FANCL: variants seen among roughly 807,000 people sequenced by gnomAD.
FANCL encodes E3 ubiquitin-protein ligase FANCL.
A neutral mutation model predicts 59.4 loss-of-function variants in FANCL; 69 were observed. That is an observed-to-expected ratio of 1.16 (90% CI 0.96 to 1.42). FANCL has a LOEUF of 1.42. Ranked by LOEUF, FANCL falls within the 40% of genes most tolerant of loss-of-function variation. The probability of loss-of-function intolerance (pLI) is 0.00; values close to 1 mark genes in which losing one functional copy is unlikely to be tolerated. For missense variants in FANCL, 519 were observed against 447.2 expected, an observed-to-expected ratio of 1.16 and a Z score of -1.45; for synonymous variants, 180 against 147.1, an observed-to-expected ratio of 1.22 and a Z score of -1.62.
intron 1 of FANCL, among the ~76,000 whole-genome samples, chr2:58,236,363 T>A (rs1266087147): frequency 6.6e-6 from 1 of 151,406 alleles, no homozygotes; most frequent in Non-Finnish European, 1.5e-5. Flanking sequence ...AATTATATAG[T>A]TGATAAACCA....
chr2:58,168,076 A>T (rs1686138235), intron 7 of FANCL, among the ~76,000 whole-genome samples: 1 of 152,222 alleles, frequency 6.6e-6, no homozygotes, highest in Non-Finnish European at 1.5e-5. Context: ...TTAAAATCAA[A>T]GTTCAGTAAG....
At chr2:58,209,551 AAC>A (rs2105188987) in intron 5 of FANCL, among the ~76,000 whole-genome samples, 1 of 152,302 alleles carries the variant, frequency 6.6e-6, no homozygotes, top group Non-Finnish European at 1.5e-5. Context: ...ATTAAGTCAT[AAC>A]ACTAATTAAG....
chr2:58,162,196 T>C (rs547592477), intron 11 of FANCL, among the ~76,000 whole-genome samples: 1 of 152,098 alleles, frequency 6.6e-6, no homozygotes, highest in African/African-American at 2.4e-5. Flanking sequence ...TTTAGTAGTC[T>C]ACAACCTTAG....
intron 2 of FANCL, 97 bp from the exon 3 acceptor site, chr2:58,229,971 A>G: frequency 1.2e-6 from 1 of 855,478 alleles, no homozygotes; most frequent in Non-Finnish European, 2.0e-6. Flanking sequence ...CAAAAGAATG[A>G]CAAACATAAT....
intron 6 of FANCL, among the ~76,000 whole-genome samples, chr2:58,201,827 G>C (rs1187243233): frequency 6.6e-6 from 1 of 151,780 alleles, no homozygotes; most frequent in African/African-American, 2.4e-5. Flanking sequence ...GATCGTGAGG[G>C]GAAGTGGTAG....
At chr2:58,219,135 C>A (rs1573763881) in intron 5 of FANCL, among the ~76,000 whole-genome samples, 3 of 18,070 alleles carry the variant, frequency 1.7e-4, no homozygotes, top group African/African-American at 4.0e-4. Flanking sequence ...AAAGTAAATA[C>A]ATGCTAAAAA....
chr2:58,219,234 A>T (rs1487470554), intron 5 of FANCL, among the ~76,000 whole-genome samples: 2 of 142,720 alleles, frequency 1.4e-5, no homozygotes, highest in Admixed American at 1.4e-4. Context: ...TCAAAAGGAC[A>T]CAGGAGCCAA....
intron 1 of FANCL, among the ~76,000 whole-genome samples, chr2:58,235,394 G>C (rs1163506912): frequency 6.6e-6 from 1 of 152,134 alleles, no homozygotes; most frequent in Admixed American, 6.5e-5. Flanking sequence ...CCATTAAATA[G>C]AGTGCTCAGA....
intron 7 of FANCL, among the ~76,000 whole-genome samples, chr2:58,185,267 TCTC>T (rs1688291716): frequency 6.6e-6 from 1 of 152,012 alleles, no homozygotes; most frequent in African/African-American, 2.4e-5. Context: ...AATATTAAGT[TCTC>T]CTAAGGCACT....
At chr2:58,164,394 CAAAT>C (rs1450813911) in intron 8 of FANCL, among the ~76,000 whole-genome samples, 2 of 151,964 alleles carry the variant, frequency 1.3e-5, no homozygotes, top group South Asian at 4.1e-4. Context: ...TTCAATGAGA[CAAAT>C]AAAAATACAA....
chr2:58,169,308 C>A (rs1361777416), intron 7 of FANCL, among the ~76,000 whole-genome samples: 2 of 152,140 alleles, frequency 1.3e-5, no homozygotes, highest in Admixed American at 6.5e-5. Context: ...AGACCTGCAG[C>A]AGAGGGGTCT....
At chr2:58,187,104 A>G (rs1688476087) in intron 7 of FANCL, among the ~76,000 whole-genome samples, 1 of 152,244 alleles carries the variant, frequency 6.6e-6, no homozygotes, top group East Asian at 1.9e-4. Flanking sequence ...TACTATAAAA[A>G]CACATGCACA....
chr2:58,185,040 CAA>C (rs1558767156), intron 7 of FANCL, among the ~76,000 whole-genome samples: 1 of 152,034 alleles, frequency 6.6e-6, no homozygotes, highest in Admixed American at 6.6e-5. Context: ...ACAGGCCAAA[CAA>C]GAGAAACTAG....
At chr2:58,194,592 T>G (rs866273122) in intron 7 of FANCL, among the ~76,000 whole-genome samples, 1 of 152,076 alleles carries the variant, frequency 6.6e-6, no homozygotes, top group Non-Finnish European at 1.5e-5. Flanking sequence ...ATGGCAGCAA[T>G]AGTAGCAGCA....
At chr2:58,168,206 T>C (rs1686154584) in intron 7 of FANCL, among the ~76,000 whole-genome samples, 2 of 151,630 alleles carry the variant, frequency 1.3e-5, no homozygotes, top group Admixed American at 1.3e-4. Context: ...CCCAGCGAGA[T>C]CAAGGCAGAA....
chr2:58,160,917 T>C (rs1685055785), intron 12 of FANCL, among the ~76,000 whole-genome samples: 1 of 151,924 alleles, frequency 6.6e-6, no homozygotes, highest in African/African-American at 2.4e-5. Context: ...CTGTATATAG[T>C]TACACACAGT....
chr2:58,240,722 T>C (rs1384623472), intron 1 of FANCL, among the ~76,000 whole-genome samples: 1 of 152,224 alleles, frequency 6.6e-6, no homozygotes, highest in Non-Finnish European at 1.5e-5. Context: ...TAGAAGATAT[T>C]GTAACTGTGG....
chr2:58,161,076 A>G (rs996123174), intron 12 of FANCL, among the ~76,000 whole-genome samples: 3 of 152,014 alleles, frequency 2.0e-5, no homozygotes, highest in African/African-American at 7.2e-5. Flanking sequence ...GAAAAGTAGT[A>G]GTATTGGATA....
Position 58,219,231 on chromosome 2 carries a change from GAC to G in FANCL, c.374+2709_374+2710del, listed in dbSNP as rs1198085633. On this transcript the variant is annotated intron_variant, in intron 5 of 13. Coordinates refer to ENST00000233741, the MANE Select transcript of FANCL (RefSeq NM_018062.4). ...CCACAATGATGAGGCCTGTCAAAAGGACACAGGAGCCAACTGAAAGAGCTCTC... is the reference window on the plus strand; with the variant it reads ...CCACAATGATGAGGCCTGTCAAAAGGACAGGAGCCAACTGAAAGAGCTCTC... Among the ~76,000 whole-genome samples the G allele has an allele frequency of 5.3e-4, 60 of 113,578 alleles. 1 individual carries two copies. Among genetic ancestry groups the G allele is most frequent in the African/African-American group, 1.9e-3 (58 of 30,856 alleles). 74.5% of individuals were successfully genotyped at this position (113,578 alleles called of 152,430 possible).
Sources: gnomAD v4.1 joint callset for allele counts (sites outside exome capture counted in the v4.1 genomes callset) on GRCh38, gnomAD v4.1.1 for gene constraint, MANE v1.5 for transcripts, NCBI Gene and HGNC (gene_info 2026-07-23, HGNC 2026-07-21) for gene names.